Variants in ALDH1L2 observed in about 807,000 individuals in gnomAD.
ALDH1L2 encodes mitochondrial 10-formyltetrahydrofolate dehydrogenase.
Under a neutral mutation model 111.0 loss-of-function variants are expected in ALDH1L2, and 91 were observed. The ratio of observed to expected loss-of-function variants is 0.82; its 90% CI spans 0.69 to 0.98. ALDH1L2 has a LOEUF of 0.98. Among genes scored for constraint, ALDH1L2 ranks in the 50% least tolerant of loss-of-function variants. The pLI is 0.00. For synonymous variants in ALDH1L2, 374 were observed against 392.6 expected, an observed-to-expected ratio of 0.95 and a Z score of 0.56; for missense variants, 995 against 1,126.8, an observed-to-expected ratio of 0.88 and a Z score of 1.67.
At chr12:105,035,835 A>ATGTG (rs569473287) in intron 18 of ALDH1L2, among the ~76,000 whole-genome samples, 1,878 of 99,028 alleles carry the variant, frequency 0.019, 180 homozygotes, top group Non-Finnish European at 0.022. Flanking sequence ...CTATATATAT[A>ATGTG]TATATGTGTG....
At chr12:105,072,306 A>G (rs1360048706) in intron 2 of ALDH1L2, 12 of 150,982 alleles carry the variant, frequency 7.9e-5, no homozygotes, top group Admixed American at 7.9e-4. Context: ...AGAAGTCTTA[A>G]CTAAAGCTTT....
Position 105,023,253 on chromosome 12 carries a change from C to T in ALDH1L2, c.*1171G>A, listed in dbSNP as rs1415970356. ...TGCCCAAGATCACACAGCCAGTGAA[C>T]AGCAGAACCAATAGGTAGAAAAATG... On this transcript the variant is annotated 3_prime_UTR_variant, in exon 23 of 23. Coordinates refer to ENST00000258494, the MANE Select transcript of ALDH1L2 (RefSeq NM_001034173.4). 2 of 152,168 alleles carry T rather than the reference C, an allele frequency of 1.3e-5. No homozygotes were observed. The allele number at this position is 152,168 out of a possible 1,614,324, so 9.4% of individuals were successfully genotyped here.
chr12:105,058,879 GATA>G (rs1181780430), intron 9 of ALDH1L2, among the ~76,000 whole-genome samples: 4 of 152,050 alleles, frequency 2.6e-5, no homozygotes, highest in African/African-American at 9.7e-5. Context: ...TTGTAATCAA[GATA>G]ATAATATCAG....
At chr12:105,042,993 A>G (rs979082506) in intron 15 of ALDH1L2, among the ~76,000 whole-genome samples, 1 of 152,238 alleles carries the variant, frequency 6.6e-6, no homozygotes, top group East Asian at 1.9e-4. Flanking sequence ...GTGGGAAAAG[A>G]AAATAGTGGA....
intron 5 of ALDH1L2, among the ~76,000 whole-genome samples, chr12:105,066,293 T>G (rs1215462273): frequency 1.3e-5 from 2 of 152,192 alleles, no homozygotes; most frequent in African/African-American, 4.8e-5. Flanking sequence ...CTCCTCTCCT[T>G]TCTATGCACA....
At chr12:105,040,874 T>C (rs1005923593) in intron 15 of ALDH1L2, among the ~76,000 whole-genome samples, 180 bp from the exon 16 acceptor site, 8 of 152,250 alleles carry the variant, frequency 5.3e-5, no homozygotes, top group Non-Finnish European at 1.2e-4. Flanking sequence ...GTATTCCTTA[T>C]ATACATTTCC....
At chr12:105,063,397 A>C (rs1332553574) in intron 6 of ALDH1L2, among the ~76,000 whole-genome samples, 1 of 151,592 alleles carries the variant, frequency 6.6e-6, no homozygotes, top group Non-Finnish European at 1.5e-5. Context: ...AATGGCGTGA[A>C]CCCGGGAGGC....
chr12:105,060,678 G>A (rs772723472), intron 9 of ALDH1L2: 3 of 204,296 alleles, frequency 1.5e-5, no homozygotes, highest in African/African-American at 2.3e-5. Context: ...TACAAAATTA[G>A]CTGGGCGTGG....
At chr12:105,078,973 C>T (rs552795274) in intron 1 of ALDH1L2, among the ~76,000 whole-genome samples, 1 of 152,244 alleles carries the variant, frequency 6.6e-6, no homozygotes, top group Non-Finnish European at 1.5e-5. Context: ...TTATGGAGCG[C>T]TTTGTGTCAA....
chr12:105,032,226 G>A (rs111511903), intron 19 of ALDH1L2, among the ~76,000 whole-genome samples: 13,552 of 141,830 alleles, frequency 0.096, 709 homozygotes, highest in Middle Eastern at 0.14. Context: ...TGCCCAGGCT[G>A]GAGTACAATG....
At chr12:105,031,464 T>C (rs1874690367) in intron 20 of ALDH1L2, among the ~76,000 whole-genome samples, 1 of 150,934 alleles carries the variant, frequency 6.6e-6, no homozygotes, top group Admixed American at 6.6e-5. Context: ...TCCAGTTGTC[T>C]CCCCTTCTTT....
intron 1 of ALDH1L2, 40 bp from the exon 2 acceptor site, chr12:105,074,045 G>C (rs1355075111): frequency 1.2e-6 from 2 of 1,611,986 alleles, no homozygotes; most frequent in African/African-American, 2.7e-5. Context: ...AGCATGGATA[G>C]AAGACACTGG....
chr12:105,061,003 C>T lies in ALDH1L2; in HGVS notation c.1117G>A (p.Ala373Thr). Residue 373 changes from alanine to threonine, a missense_variant, in exon 9 of 23, where the codon GCA becomes ACA. Physicochemically the swap from Ala to Thr is moderately conservative, Grantham distance 58. Coordinates refer to ENST00000258494, the MANE Select transcript of ALDH1L2 (RefSeq NM_001034173.4). Reference sequence around the variant, plus strand: ...TACCTGGCAACATCCATTGAGCTTGCTCCAGATTTAAAGAAGTCTGTTGAG... The same window carrying T: ...TACCTGGCAACATCCATTGAGCTTGTTCCAGATTTAAAGAAGTCTGTTGAG... Reference protein sequence around the residue: ...EDSTDFFKSGASSMDVARLVE... With the variant: ...EDSTDFFKSGTSSMDVARLVE... The T allele has an allele frequency of 1.2e-6, 2 of 1,613,972 alleles. No individual in the cohort carries two copies. The highest frequency in any genetic ancestry group is 1.7e-6 in the Non-Finnish European group (2 of 1,179,926).
intron 11 of ALDH1L2, 60 bp downstream of exon 11, chr12:105,052,752 T>C: frequency 3.1e-6 from 5 of 1,600,368 alleles, no homozygotes; most frequent in Non-Finnish European, 3.4e-6. Context: ...TCTTTTACAA[T>C]GGTGTATTAA....
At chr12:105,084,154 C>T (rs942868367) in intron 1 of ALDH1L2, among the ~76,000 whole-genome samples, 3 of 152,204 alleles carry the variant, frequency 2.0e-5, no homozygotes, top group Admixed American at 6.5e-5. Context: ...TCAGCCCCCT[C>T]CCGGCAGAAG....
At position 105,070,598 on chromosome 12, in the gene ALDH1L2, TG is replaced by T. The variant is rs1288686841; in HGVS notation, c.399del (p.Arg134GlyfsTer12). The stretch of plus-strand genomic sequence containing the variant: ...TTGATAGCAGAGGCTCCTCTGTGCC[TG>T]GGCAGGATGGATGGGTGATAAATGA... Reference protein sequence around the residue: ...GSIIYHPSILPRHRGASAINW... With the variant: ...GSIIYHPSILXRHRGASAINW... On this transcript the variant is annotated frameshift_variant, in exon 3 of 23. Coordinates refer to ENST00000258494, the MANE Select transcript of ALDH1L2 (RefSeq NM_001034173.4). LOFTEE classifies it high-confidence loss of function. 2 of 1,613,766 alleles carry T rather than the reference TG, an allele frequency of 1.2e-6. No homozygotes were observed. The highest frequency in any genetic ancestry group is 3.3e-5 in the Admixed American group (2 of 59,980).
At position 105,021,346 on chromosome 12, in the gene ALDH1L2, C is replaced by T. The variant is rs1874149412; in HGVS notation, c.*3078G>A. The T allele has an allele frequency of 2.0e-5, 3 of 152,336 alleles. No individual in the cohort carries two copies. Among genetic ancestry groups the T allele is most frequent in the African/African-American group, 7.2e-5 (3 of 41,408 alleles). 9.4% of individuals were successfully genotyped at this position (152,336 alleles called of 1,614,324 possible). A position where few individuals can be genotyped will look rare whatever the true frequency, so the allele number is the denominator to read the frequency against. On this transcript the variant is annotated 3_prime_UTR_variant, in exon 23 of 23. Coordinates refer to ENST00000258494, the MANE Select transcript of ALDH1L2 (RefSeq NM_001034173.4). ...GGTGCAGTGGTTCATGCCTGTAATC[C>T]CAGCACTTTGGGAGGCGGAGGCAGG...
chr12:105,036,426 ATGTG>A (rs1410010659), intron 18 of ALDH1L2, among the ~76,000 whole-genome samples: 2 of 43,238 alleles, frequency 4.6e-5, no homozygotes, highest in African/African-American at 1.4e-4. Context: ...ATATTTATAT[ATGTG>A]TATATATTAT....
rs985650829 is a variant in ALDH1L2, at chr12:105,023,197, A to C, written c.*1227T>G. On this transcript the variant is annotated 3_prime_UTR_variant, in exon 23 of 23. Transcript: ENST00000258494. ...TTGATTTTCATTTTATAGATACTCA[A>C]CCTAGGCTCTGAGATATTAGATTAC... 1.3e-5 allele frequency: 2 copies of C among 152,206 alleles called. No homozygotes were observed. Among genetic ancestry groups the C allele is most frequent in the African/African-American group, 2.4e-5 (1 of 41,442 alleles). 9.4% of individuals were successfully genotyped at this position (152,206 alleles called of 1,614,324 possible).
Sources: allele counts gnomAD v4.1 joint callset (sites outside exome capture counted in the v4.1 genomes callset), GRCh38; gene constraint gnomAD v4.1.1; transcripts MANE v1.5; gene names NCBI Gene and HGNC (gene_info 2026-07-23, HGNC 2026-07-21).